The following LYZ variants were observed in gnomAD, a reference collection of about 807,000 sequenced individuals.
LYZ encodes the protein lysozyme, also known as lysozyme C.
In LYZ, 18 loss-of-function variants were observed where a neutral mutation model predicts 15.8. The observed-to-expected ratio is 1.14, with a 90% CI of 0.79 to 1.69. The LOEUF is 1.69. Among genes scored for constraint, LYZ ranks in the 40% most tolerant of loss-of-function variants. The probability of loss-of-function intolerance (pLI) is 0.00; values close to 1 mark genes in which losing one functional copy is unlikely to be tolerated. For missense variants in LYZ, 139 were observed against 182.8 expected (o/e 0.76, Z 1.38); for synonymous variants, 60 against 61.7 (o/e 0.97, Z 0.13).
intron 3 of LYZ, 146 bp downstream of exon 3, chr12:69,352,444 C>A: frequency 1.6e-6 from 1 of 620,442 alleles, no homozygotes; most frequent in South Asian, 1.9e-5. Flanking sequence ...TACCTACATC[C>A]TTGAAGAAAC....
At chr12:69,350,366 T>C in intron 2 of LYZ, 94 bp downstream of exon 2, 1 of 1,251,862 alleles carries the variant, frequency 8.0e-7, no homozygotes, top group Non-Finnish European at 1.2e-6. Context: ...ATGAGGGACC[T>C]AGAAAAACTA....
At chr12:69,350,900 AG>A (rs1466730519) in intron 2 of LYZ, among the ~76,000 whole-genome samples, 3 of 151,642 alleles carry the variant, frequency 2.0e-5, no homozygotes, top group Non-Finnish European at 4.4e-5. Context: ...CAGCCTCCCA[AG>A]TAGCTGGGAC....
intron 2 of LYZ, among the ~76,000 whole-genome samples, chr12:69,351,564 A>T (rs1429545193): frequency 4.6e-5 from 7 of 152,154 alleles, no homozygotes; most frequent in Admixed American, 2.6e-4. Context: ...ATATAAACCC[A>T]CATACAAACA....
chr12:69,349,205 G>A (rs1440882252), intron 1 of LYZ, among the ~76,000 whole-genome samples: 1 of 152,118 alleles, frequency 6.6e-6, no homozygotes, highest in African/African-American at 2.4e-5. Context: ...GTTTCACCAT[G>A]TTGGCCAAGC....
intron 2 of LYZ, 139 bp from the exon 3 acceptor site, chr12:69,352,081 C>A: frequency 1.7e-6 from 1 of 604,256 alleles, no homozygotes. Context: ...GAGTTTTCCC[C>A]AACAATTACA....
rs1283646982 is a variant in LYZ, at chr12:69,353,261, A to G, written c.*42A>G. On this transcript the variant is annotated 3_prime_UTR_variant, in exon 4 of 4. Coordinates refer to ENST00000261267, the MANE Select transcript of LYZ (RefSeq NM_000239.3). The stretch of plus-strand genomic sequence containing the variant: ...CTTCAGCTCATTTTGTCTCTCTCAC[A>G]TTAAGGGAGTAGGAATTAAGTGAAA... 9.2e-6 allele frequency: 13 copies of G among 1,415,828 alleles called. No homozygotes were observed. The highest frequency in any genetic ancestry group is 1.1e-5 in the Non-Finnish European group (11 of 999,116). The allele number at this position is 1,415,828 out of a possible 1,614,324, so 87.7% of individuals were successfully genotyped here.
At chr12:69,348,600 G>C in intron 1 of LYZ, 56 bp downstream of exon 1, 1 of 1,601,866 alleles carries the variant, frequency 6.2e-7, no homozygotes, top group Admixed American at 1.7e-5. Context: ...CAGACACTAG[G>C]AGAGAAGGAA....
Position 69,348,520 on chromosome 12 carries a change from T to C in LYZ, c.112T>C (p.Tyr38His). ...TCTGAAAAGATTGGGAATGGATGGC[T>C]ACAGGGGAATCAGCCTAGCAAACTG... ...RTLKRLGMDG[Y>H]RGISLANWMC... The change falls in exon 1 of 4, where the codon TAC (tyrosine) becomes CAC (histidine). Residue 38 changes from tyrosine to histidine, a missense_variant. Transcript: ENST00000261267. 1 of 1,614,174 alleles carries C rather than the reference T, an allele frequency of 6.2e-7. No individual in the cohort carries two copies.
At position 69,353,194 on chromosome 12, in the gene LYZ, A is replaced by C. The variant is rs1874881377; in HGVS notation, c.422A>C (p.Gln141Pro). The change falls in exon 4 of 4, where the codon CAG (glutamine) becomes CCG (proline). Residue 141 changes from glutamine to proline, a missense_variant. Coordinates refer to ENST00000261267, the MANE Select transcript of LYZ (RefSeq NM_000239.3). ...RNRCQNRDVR[Q>P]YVQGCGV ...CGTTGTCAAAACAGAGATGTCCGTC[A>C]GTATGTTCAAGGTTGTGGAGTGTAA... 1.9e-6 allele frequency: 3 copies of C among 1,614,038 alleles called. No individual in the cohort carries two copies. The highest frequency in any genetic ancestry group is 1.7e-5 in the Admixed American group (1 of 60,010).
At chr12:69,350,420 C>T (rs1874817765) in intron 2 of LYZ, 148 bp downstream of exon 2, 1 of 764,268 alleles carries the variant, frequency 1.3e-6, no homozygotes, top group Admixed American at 2.5e-5. Context: ...CTCATAATTC[C>T]CTGAGTAAGA....
rs147465274 is a variant in LYZ, at chr12:69,350,209, C to T, written c.238C>T (p.Arg80Cys). The change falls in exon 2 of 4, where the codon CGC becomes TGC. Residue 80 changes from arginine to cysteine, a missense_variant. Transcript: ENST00000261267. ...TTATGGGATATTTCAGATCAATAGC[C>T]GCTACTGGTGTAATGATGGCAAAAC... The part of the protein sequence containing the change: ...TDYGIFQINS[R>C]YWCNDGKTPG... 4 of 1,614,054 alleles carry T rather than the reference C, an allele frequency of 2.5e-6. No individual in the cohort carries two copies. The highest frequency in any genetic ancestry group is 3.4e-6 in the Non-Finnish European group (4 of 1,179,970).
Position 69,350,199 on chromosome 12 carries a change from G to A in LYZ, c.228G>A (p.Gln76=), listed in dbSNP as rs774434533. 2 of 1,614,146 alleles carry A rather than the reference G, an allele frequency of 1.2e-6. No individual in the cohort carries two copies. The highest frequency in any genetic ancestry group is 1.7e-5 in the Admixed American group (1 of 60,018). The change falls in exon 2 of 4, where the codon CAG becomes CAA. Residue 76 remains glutamine (Q), a synonymous_variant. Coordinates refer to ENST00000261267, the MANE Select transcript of LYZ (RefSeq NM_000239.3). ...GAAGCACTGATTATGGGATATTTCA[G>A]ATCAATAGCCGCTACTGGTGTAATG... ...GDRSTDYGIF[Q]INSRYWCNDG...
chr12:69,350,192 T>A lies in LYZ; in HGVS notation c.221T>A (p.Ile74Lys). 3.7e-6 allele frequency: 6 copies of A among 1,614,160 alleles called. No homozygotes were observed. Among genetic ancestry groups the A allele is most frequent in the Non-Finnish European group, 5.1e-6 (6 of 1,180,010 alleles). Residue 74 changes from isoleucine (I) to lysine (K), a missense_variant, in exon 2 of 4, where the codon ATA becomes AAA. Ile to Lys is a moderately radical substitution (Grantham distance 102). Transcript: ENST00000261267. ...NAGDRSTDYG[I>K]FQINSRYWCN... The stretch of plus-strand genomic sequence containing the variant: ...GGAGACAGAAGCACTGATTATGGGA[T>A]ATTTCAGATCAATAGCCGCTACTGG...
intron 1 of LYZ, among the ~76,000 whole-genome samples, chr12:69,349,732 A>G (rs73145933): frequency 2.0e-5 from 3 of 152,270 alleles, no homozygotes; most frequent in African/African-American, 4.8e-5. Context: ...TAAAAAAAGC[A>G]TTTTTCCATC....
In LYZ at chr12:69,352,205, C is replaced by G; in HGVS notation, c.302-15C>G. 6.3e-7 allele frequency: 1 copy of G among 1,597,684 alleles called. No homozygotes were observed. Among genetic ancestry groups the G allele is most frequent in the African/African-American group, 1.3e-5 (1 of 74,714 alleles). Reference sequence around the variant, plus strand: ...TATCTATTAAAGTTTTTATTCCTTACCACCTGTCTTTCAGCTTTGCTGCAA... The same window carrying G: ...TATCTATTAAAGTTTTTATTCCTTAGCACCTGTCTTTCAGCTTTGCTGCAA... On this transcript the variant is annotated splice_polypyrimidine_tract_variant and intron_variant, in intron 2 of 3. Transcript: ENST00000261267.
chr12:69,350,737 C>CTTTTTTTTTTTTTT (rs60163961), intron 2 of LYZ, among the ~76,000 whole-genome samples: 9 of 26,040 alleles, frequency 3.5e-4, no homozygotes, highest in African/African-American at 8.1e-4. Context: ...TCTTCTATGC[C>CTTTTTTTTTTTTTT]TTTTTTTTTT....
At chr12:69,349,279 A>C (rs577607651) in intron 1 of LYZ, among the ~76,000 whole-genome samples, 1 of 152,198 alleles carries the variant, frequency 6.6e-6, no homozygotes, top group East Asian at 1.9e-4. Context: ...GTAGGATTAC[A>C]GGTGTGAACC....
chr12:69,351,197 AT>A (rs1196397212), intron 2 of LYZ, among the ~76,000 whole-genome samples: 2 of 152,192 alleles, frequency 1.3e-5, no homozygotes, highest in Non-Finnish European at 2.9e-5. Context: ...TAACTTAAGG[AT>A]TTATTTATTT....
intron 3 of LYZ, 152 bp from the exon 4 acceptor site, chr12:69,353,001 C>T (rs977170411): frequency 1.4e-6 from 1 of 690,048 alleles, no homozygotes; most frequent in Non-Finnish European, 2.6e-6. Flanking sequence ...ATTTTGTATA[C>T]ATATCTTCAT....
Sources: allele counts gnomAD v4.1 joint callset (sites outside exome capture counted in the v4.1 genomes callset), GRCh38; gene constraint gnomAD v4.1.1; transcripts MANE v1.5; gene names NCBI Gene and HGNC (gene_info 2026-07-23, HGNC 2026-07-21).